The following AGL variants were observed in gnomAD, a reference collection of about 807,000 sequenced individuals.
AGL encodes the protein glycogen debranching enzyme.
Under a neutral mutation model 199.3 loss-of-function variants are expected in AGL, and 128 were observed. The observed-to-expected ratio is 0.64, with a 90% CI of 0.56 to 0.74. The LOEUF (loss-of-function observed/expected upper bound fraction) is 0.74. Among genes scored for constraint, AGL ranks in the 30% least tolerant of loss-of-function variants. The pLI, the probability that AGL is intolerant of heterozygous loss-of-function variation, is 0.00. For missense variants in AGL, 1,809 were observed against 1,820.8 expected (o/e 0.99, Z 0.12); for synonymous variants, 584 against 594.7 (o/e 0.98, Z 0.26).
In AGL at chr1:99,879,141, A is replaced by T. The variant is rs138310818; in HGVS notation, c.1612-782A>T. Among the ~76,000 whole-genome samples, 98 of 152,308 alleles carry T rather than the reference A, an allele frequency of 6.4e-4. 1 individual carries two copies. The highest frequency in any genetic ancestry group is 3.1e-3 in the East Asian group (16 of 5,188). ...AAATTGTAAGGTGTAAGAGTTTTTA[A>T]GAGTTATTTATCATCATCTGTAGGA... On this transcript the variant is annotated intron_variant, in intron 12 of 33. Transcript: ENST00000361915.
rs76983613 is a variant in AGL at position 99,889,312 on chromosome 1, C to T, written c.2812+1204C>T. 9.7e-3 allele frequency among the ~76,000 whole-genome samples: 1,474 copies of T among 152,272 alleles called. 29 individuals are homozygous for T. Among genetic ancestry groups the T allele is most frequent in the African/African-American group, 0.034 (1,409 of 41,548 alleles). Reference sequence around the variant, plus strand: ...TTTATACTTTCTGCAAAACCAAGCACGTAAGCGGTTCTCAATAAACTTTTT... The same window carrying T: ...TTTATACTTTCTGCAAAACCAAGCATGTAAGCGGTTCTCAATAAACTTTTT... On this transcript the variant is annotated intron_variant, in intron 21 of 33. Transcript: ENST00000361915.
Position 99,900,725 on chromosome 1 carries a change from G to A in AGL, c.3452G>A (p.Arg1151Gln), listed in dbSNP as rs376059155. 2.2e-5 allele frequency: 35 copies of A among 1,613,966 alleles called. No homozygotes were observed. The highest frequency in any genetic ancestry group is 2.9e-5 in the Non-Finnish European group (34 of 1,180,030). Residue 1151 changes from arginine to glutamine, a missense_variant, in exon 26 of 34, where the codon CGG becomes CAG. By Grantham distance (43) the Arg-to-Gln change is conservative. Transcript: ENST00000361915. ...GEGIYARYNC[R>Q]DAVWWWLQCI... Reference sequence around the variant, plus strand: ...GGAATTTATGCCAGATACAATTGTCGGGATGCTGTGTGGTGGTGGCTGCAG... The same window carrying A: ...GGAATTTATGCCAGATACAATTGTCAGGATGCTGTGTGGTGGTGGCTGCAG...
chr1:99,874,976 T>C (rs1651386461), intron 8 of AGL, among the ~76,000 whole-genome samples, 166 bp downstream of exon 8: 1 of 152,250 alleles, frequency 6.6e-6, no homozygotes, highest in African/African-American at 2.4e-5. Flanking sequence ...TTTTTCTGTG[T>C]GTGGGCCATG....
chr1:99,875,195 A>G lies in AGL; in HGVS notation c.1124A>G (p.His375Arg). 1 of 1,614,184 alleles carries G rather than the reference A, an allele frequency of 6.2e-7. No individual in the cohort carries two copies. The highest frequency in any genetic ancestry group is 2.2e-5 in the East Asian group (1 of 44,872). The part of the protein sequence containing the change: ...AAIEECCNWF[H>R]KRMEELNSEK... The stretch of plus-strand genomic sequence containing the variant: ...ATTGAAGAATGCTGTAATTGGTTTC[A>G]TAAAAGAATGGAGGAATTAAATTCA... Residue 375 changes from histidine (H) to arginine (R), a missense_variant, in exon 9 of 34, where the codon CAT becomes CGT. By Grantham distance (29) the His-to-Arg change is conservative (BLOSUM62 0). Transcript: ENST00000361915.
chr1:99,885,414 AC>A (rs1230231640), intron 20 of AGL, among the ~76,000 whole-genome samples: 3 of 152,302 alleles, frequency 2.0e-5, no homozygotes, highest in East Asian at 3.9e-4. Flanking sequence ...CATCATTAGT[AC>A]TAGTATAAAT....
Position 99,902,710 on chromosome 1 carries a change from G to A in AGL, c.3616G>A (p.Glu1206Lys). 6.2e-7 allele frequency: 1 copy of A among 1,613,400 alleles called. No individual in the cohort carries two copies. The change falls in exon 27 of 34, where the codon GAA becomes AAA. Residue 1206 changes from glutamate to lysine, a missense_variant. Physicochemically the swap from Glu to Lys is moderately conservative, Grantham distance 56. Transcript: ENST00000361915. ...LDQPLFEVIQ[E>K]AMQKHMQGIQ... ...TCAGCCATTGTTTGAAGTCATACAGGAAGCAATGCAAAAACACATGCAGGG... is the reference window on the plus strand; with the variant it reads ...TCAGCCATTGTTTGAAGTCATACAGAAAGCAATGCAAAAACACATGCAGGG...
chr1:99,915,263 C>A, intron 30 of AGL, 126 bp from the exon 31 acceptor site: 1 of 792,594 alleles, frequency 1.3e-6, no homozygotes, highest in Non-Finnish European at 2.2e-6. Flanking sequence ...TAGGCATCTA[C>A]ACTCAAATTC....
At chr1:99,856,305 TTCC>T (rs1221284439) in intron 2 of AGL, among the ~76,000 whole-genome samples, 2,430 of 43,170 alleles carry the variant, frequency 0.056, 70 homozygotes, top group Admixed American at 0.12. Flanking sequence ...CCTTCCTTCC[TTCC>T]TCCCTCCCTC....
At position 99,876,595 on chromosome 1, in the gene AGL, C is replaced by G. The variant is rs146493448; in HGVS notation, c.1421C>G (p.Pro474Arg). Reference sequence around the variant, plus strand: ...GATCCTCTTCGAAACTTTGCTGAACCGGGTATGTAATTTTTAACTTCTCTG... The same window carrying G: ...GATCCTCTTCGAAACTTTGCTGAACGGGGTATGTAATTTTTAACTTCTCTG... ...GDDPLRNFAE[P>R]GSEVYLRREL... The change falls in exon 11 of 34, where the codon CCG becomes CGG. Residue 474 changes from proline (P) to arginine (R), a missense_variant and splice_region_variant. Transcript: ENST00000361915. 8 of 1,613,746 alleles carry G rather than the reference C, an allele frequency of 5.0e-6. No homozygotes were observed. Among genetic ancestry groups the G allele is most frequent in the Non-Finnish European group, 5.1e-6 (6 of 1,179,932 alleles).
At chr1:99,856,306 TCCTCCCTCCCTCCCTTCCTTCCTCCCTC>T (rs1468383098) in intron 2 of AGL, among the ~76,000 whole-genome samples, 2,205 of 55,532 alleles carry the variant, frequency 0.04, 47 homozygotes, top group Middle Eastern at 0.12. Flanking sequence ...CTTCCTTCCT[TCCTCCCTCCCTCCCTTCCTTCCTCCCTC>T]CCTCCCTCCC....
chr1:99,903,313 A>G (rs1296504613), intron 27 of AGL, among the ~76,000 whole-genome samples: 1 of 151,690 alleles, frequency 6.6e-6, no homozygotes, highest in Admixed American at 6.6e-5. Context: ...AGGCCCCAGT[A>G]TGTGATATTC....
intron 2 of AGL, among the ~76,000 whole-genome samples, chr1:99,860,618 T>A (rs1019716389): frequency 2.0e-5 from 3 of 152,178 alleles, no homozygotes; most frequent in Non-Finnish European, 4.4e-5. Context: ...TATGTTTTTT[T>A]AAAAATAACC....
chr1:99,885,229 G>A (rs1045475752), intron 20 of AGL, among the ~76,000 whole-genome samples: 4 of 152,048 alleles, frequency 2.6e-5, no homozygotes, highest in Non-Finnish European at 5.9e-5. Context: ...AGGTTTTGAG[G>A]TTTAGACCTA....
chr1:99,893,656 T>A (rs11166368), intron 24 of AGL, among the ~76,000 whole-genome samples: 74,440 of 152,070 alleles, frequency 0.49, 18,836 homozygotes, highest in East Asian at 0.67. Flanking sequence ...GATATACTGA[T>A]ATAAACTGTT....
Position 99,861,580 on chromosome 1 carries a change from G to T in AGL, c.160G>T (p.Gly54Ter). ...VTVYTNYPFP[G>*]ETFNREKFRS... ...CGTGTATACAAATTACCCATTTCCT[G>T]GAGAAACATTTAATAGAGAAAAATT... Residue 54 changes from glycine (G) to a stop codon, truncating the protein, a stop_gained, in exon 3 of 34, where the codon GGA becomes TGA. Transcript: ENST00000361915. LOFTEE classifies it high-confidence loss of function. 1 of 1,613,908 alleles carries T rather than the reference G, an allele frequency of 6.2e-7. No individual in the cohort carries two copies. Among genetic ancestry groups the T allele is most frequent in the Non-Finnish European group, 8.5e-7 (1 of 1,179,924 alleles).
chr1:99,865,111 C>T (rs989012626), intron 5 of AGL, among the ~76,000 whole-genome samples: 1 of 152,082 alleles, frequency 6.6e-6, no homozygotes, highest in African/African-American at 2.4e-5. Context: ...ACTACCTGTC[C>T]ACCAGTTACT....
chr1:99,884,778 A>T (rs1040707885), intron 20 of AGL, 75 bp downstream of exon 20: 2 of 1,558,498 alleles, frequency 1.3e-6, no homozygotes, highest in African/African-American at 2.7e-5. Context: ...AAGCAGTTTT[A>T]AGGGTCCTCT....
At chr1:99,874,025 C>T (rs1477387444) in intron 7 of AGL, among the ~76,000 whole-genome samples, 4 of 151,930 alleles carry the variant, frequency 2.6e-5, no homozygotes, top group African/African-American at 7.3e-5. Flanking sequence ...TCCCCAAAAA[C>T]CATTTATTTC....
chr1:99,911,937 T>C (rs1310391408), intron 28 of AGL, among the ~76,000 whole-genome samples: 2 of 152,154 alleles, frequency 1.3e-5, no homozygotes, highest in Non-Finnish European at 2.9e-5. Context: ...AATTAATAAA[T>C]AAGTTGCCAT....
Sources: allele counts gnomAD v4.1 joint callset (sites outside exome capture counted in the v4.1 genomes callset), GRCh38; gene constraint gnomAD v4.1.1; transcripts MANE v1.5; gene names NCBI Gene and HGNC (gene_info 2026-07-23, HGNC 2026-07-21).